ANP32E: variants seen among roughly 807,000 people sequenced by gnomAD.
ANP32E encodes the protein acidic leucine-rich nuclear phosphoprotein 32 family member E.
Under a neutral mutation model 35.3 loss-of-function variants are expected in ANP32E, and 14 were observed. That is an observed-to-expected ratio of 0.40 (90% CI 0.26 to 0.62). ANP32E has a LOEUF of 0.62. Ranked by LOEUF, ANP32E falls within the 20% of genes least tolerant of loss-of-function variation. The probability of loss-of-function intolerance (pLI) is 0.45; values close to 1 mark genes in which losing one functional copy is unlikely to be tolerated. For missense variants in ANP32E, 198 were observed against 304.4 expected (o/e 0.65, Z 2.60); for synonymous variants, 89 against 110.4 (o/e 0.81, Z 1.22).
Position 150,234,549 on chromosome 1 carries a change from G to C in ANP32E, c.54+1184C>G, listed in dbSNP as rs1391094485. ...CCCCAGTTATATCCTTCTATCGATCGGTCGATTCAGCTACAGACAACTCCC... is the reference window on the plus strand; with the variant it reads ...CCCCAGTTATATCCTTCTATCGATCCGTCGATTCAGCTACAGACAACTCCC... On this transcript the variant is annotated intron_variant, in intron 1 of 6. Transcript: ENST00000583931. 6 of 974,592 alleles carry C rather than the reference G, an allele frequency of 6.2e-6. No homozygotes were observed. In the South Asian group the frequency reaches 1.9e-4, roughly 31 times the overall value. The allele number at this position is 974,592 out of a possible 1,614,324, so 60.4% of individuals were successfully genotyped here.
chr1:150,226,816 A>T (rs1227900632), intron 4 of ANP32E, 21 bp from the exon 5 acceptor site: 3 of 1,592,566 alleles, frequency 1.9e-6, no homozygotes, highest in Non-Finnish European at 2.6e-6. Flanking sequence ...TCATTTAAAG[A>T]TGAGTAAATG....
chr1:150,229,697 C>T (rs1028734073), intron 3 of ANP32E, among the ~76,000 whole-genome samples: 1 of 152,208 alleles, frequency 6.6e-6, no homozygotes, highest in Non-Finnish European at 1.5e-5. Context: ...AGGCTGGTCT[C>T]GAACTCCTGA....
rs781789869 is a variant in ANP32E at position 150,230,576 on chromosome 1, C to T, written c.322G>A (p.Ala108Thr). ...GACAAAACTGTTCCACTTACCAGAG[C>T]TTCTACTGTACTGAGATCTTTTATT... is the stretch of plus-strand genomic sequence containing the variant. ...NKIKDLSTVEALQNLKNLKSL... is the reference protein window; with the variant it reads ...NKIKDLSTVETLQNLKNLKSL... The change falls in exon 3 of 7, where the codon GCT becomes ACT. Residue 108 changes from alanine (A) to threonine (T), a missense_variant. Coordinates refer to ENST00000583931, the MANE Select transcript of ANP32E (RefSeq NM_030920.5). The T allele has an allele frequency of 6.2e-7, 1 of 1,605,848 alleles. No individual in the cohort carries two copies. Among genetic ancestry groups the T allele is most frequent in the South Asian group, 1.1e-5 (1 of 89,110 alleles).
rs1553840131 is a variant in ANP32E at position 150,226,676 on chromosome 1, C to G, written c.613G>C (p.Ala205Pro). 1 of 1,592,592 alleles carries G rather than the reference C, an allele frequency of 6.3e-7. No individual in the cohort carries two copies. The highest frequency in any genetic ancestry group is 8.6e-7 in the Non-Finnish European group (1 of 1,164,374). ...DEDEDEDEDE[A>P]GSELGEGEEE... ...TCTCCCTCTCCCAACTCTGAACCTG[C>G]TTCATCTTCATCTTCATCCTCATCC... The change falls in exon 5 of 7, where the codon GCA becomes CCA. Residue 205 changes from alanine (A) to proline (P), a missense_variant. Coordinates refer to ENST00000583931, the MANE Select transcript of ANP32E (RefSeq NM_030920.5).
chr1:150,230,795 G>A, intron 2 of ANP32E, 102 bp from the exon 3 acceptor site: 5 of 1,112,984 alleles, frequency 4.5e-6, no homozygotes, highest in South Asian at 3.1e-5. Context: ...AGGCTGGAGT[G>A]CAGTGGTGCG....
chr1:150,230,750 T>TTTC (rs1424927414), intron 2 of ANP32E, 57 bp from the exon 3 acceptor site: 36 of 1,537,750 alleles, frequency 2.3e-5, no homozygotes, highest in Non-Finnish European at 2.6e-5. Flanking sequence ...ATCAAACTTT[T>TTTC]TTTTTTTTTG....
intron 6 of ANP32E, among the ~76,000 whole-genome samples, chr1:150,221,631 T>G (rs1648418395): frequency 6.7e-5 from 3 of 44,556 alleles, no homozygotes; most frequent in Non-Finnish European, 9.0e-5. Flanking sequence ...GGAAGGAAAT[T>G]ATACTTCAAG....
rs781961799 is a variant in ANP32E, at chr1:150,220,661, A to G, written c.*30T>C. 2 of 1,603,774 alleles carry G rather than the reference A, an allele frequency of 1.2e-6. No homozygotes were observed. Among genetic ancestry groups the G allele is most frequent in the Non-Finnish European group, 8.5e-7 (1 of 1,170,868 alleles). ...TGTGATCACTCTATTGCACACCCAG[A>G]AACATTAGAGAATCTGGTCTTAGAA... is the stretch of plus-strand genomic sequence containing the variant. On this transcript the variant is annotated 3_prime_UTR_variant, in exon 7 of 7. Coordinates refer to ENST00000583931, the MANE Select transcript of ANP32E (RefSeq NM_030920.5).
At chr1:150,233,971 C>G (rs781689491) in intron 1 of ANP32E, among the ~76,000 whole-genome samples, 7 of 152,052 alleles carry the variant, frequency 4.6e-5, no homozygotes, top group Non-Finnish European at 1.0e-4. Context: ...AATCATTTCA[C>G]TGCCCTGAGA....
chr1:150,231,081 A>G (rs1336846699), intron 2 of ANP32E, among the ~76,000 whole-genome samples: 1 of 152,184 alleles, frequency 6.6e-6, no homozygotes, highest in Admixed American at 6.6e-5. Context: ...TGAAGAAAAA[A>G]AACTGTCATT....
chr1:150,225,574 G>A (rs1326360774), intron 5 of ANP32E, among the ~76,000 whole-genome samples: 1 of 148,228 alleles, frequency 6.7e-6, no homozygotes, highest in Non-Finnish European at 1.5e-5. Context: ...GGGAGGCTGA[G>A]GTGAGAGGAT....
intron 6 of ANP32E, 43 bp downstream of exon 6, chr1:150,223,141 CTA>C (rs1553838606): frequency 1.0e-5 from 15 of 1,467,444 alleles, no homozygotes; most frequent in African/African-American, 5.7e-5. Flanking sequence ...TAAAAAATGA[CTA>C]TGTCTTTAAT....
At chr1:150,227,738 T>TA (rs1553840496) in intron 4 of ANP32E, among the ~76,000 whole-genome samples, 2 of 149,818 alleles carry the variant, frequency 1.3e-5, no homozygotes. Context: ...TAATCTAAAA[T>TA]AAAAAATAAA....
intron 3 of ANP32E, among the ~76,000 whole-genome samples, chr1:150,229,709 C>T (rs1332824297): frequency 2.6e-5 from 4 of 152,230 alleles, no homozygotes; most frequent in African/African-American, 7.2e-5. Context: ...AACTCCTGAC[C>T]TCAGGTGATC....
In ANP32E at chr1:150,235,515, C is replaced by T. The variant is rs959347733; in HGVS notation, c.54+218G>A. ...AGCCGAAAGGAGCTAAGCCCCCATGCACACACAAAAACGCCCCTAGAAACT... is the reference window on the plus strand; with the variant it reads ...AGCCGAAAGGAGCTAAGCCCCCATGTACACACAAAAACGCCCCTAGAAACT... On this transcript the variant is annotated intron_variant, in intron 1 of 6. Transcript: ENST00000583931. This position sits in a 1 kb window ranked among gnomAD's most constrained non-coding sequence, Gnocchi z 4.2. Among the ~76,000 whole-genome samples the T allele has an allele frequency of 6.6e-6, 1 of 152,222 alleles. No individual in the cohort carries two copies. Among genetic ancestry groups the T allele is most frequent in the Non-Finnish European group, 1.5e-5 (1 of 68,020 alleles).
rs1258226277 is a variant in ANP32E, at chr1:150,219,924, G to A, written c.*767C>T. On this transcript the variant is annotated 3_prime_UTR_variant, in exon 7 of 7. Transcript: ENST00000583931. ...AAGGGAAGGTGATCATAAAGGAATT[G>A]CTAAGAAGAAAAAGAATGCACACCT... 1 of 152,084 alleles carries A rather than the reference G, an allele frequency of 6.6e-6. No individual in the cohort carries two copies. The highest frequency in any genetic ancestry group is 1.5e-5 in the Non-Finnish European group (1 of 68,000). 9.4% of individuals were successfully genotyped at this position (152,084 alleles called of 1,614,324 possible). A position where few individuals can be genotyped will look rare whatever the true frequency, so the allele number is the denominator to read the frequency against.
At chr1:150,224,003 C>T (rs1481775707) in intron 5 of ANP32E, among the ~76,000 whole-genome samples, 1 of 152,058 alleles carries the variant, frequency 6.6e-6, no homozygotes, top group Non-Finnish European at 1.5e-5. Context: ...CCTCAGCCTC[C>T]CAAAATGGTG....
At position 150,220,758 on chromosome 1, in the gene ANP32E, T is replaced by C; in HGVS notation, c.740A>G (p.Glu247Gly). The change falls in exon 7 of 7, where the codon GAA becomes GGA. Residue 247 changes from glutamate to glycine, a missense_variant. Physicochemically the swap from Glu to Gly is moderately conservative, Grantham distance 98. Transcript: ENST00000583931. ...CCTCTTCTCCCCTCGAAGACCTCCT[T>C]CTTCTTAAAGAGTGGAAAGAAAAAT... ...EEGEEEEEEEEGGLRGEKRKR... is the reference protein window; with the variant it reads ...EEGEEEEEEEGGGLRGEKRKR... The C allele has an allele frequency of 1.2e-6, 2 of 1,613,476 alleles. No individual in the cohort carries two copies.
rs782144349 is a variant in ANP32E, at chr1:150,220,682, T to A, written c.*9A>T. The A allele has an allele frequency of 6.2e-7, 1 of 1,613,622 alleles. No homozygotes were observed. Among genetic ancestry groups the A allele is most frequent in the Non-Finnish European group, 8.5e-7 (1 of 1,179,612 alleles). Reference sequence around the variant, plus strand: ...CCAGAAACATTAGAGAATCTGGTCTTAGAATGATCTAGTCATCTTCTTCCT... The same window carrying A: ...CCAGAAACATTAGAGAATCTGGTCTAAGAATGATCTAGTCATCTTCTTCCT... On this transcript the variant is annotated 3_prime_UTR_variant, in exon 7 of 7. Coordinates refer to ENST00000583931, the MANE Select transcript of ANP32E (RefSeq NM_030920.5).
Sources: allele counts gnomAD v4.1 joint callset (sites outside exome capture counted in the v4.1 genomes callset), GRCh38; gene constraint gnomAD v4.1.1; non-coding constraint Gnocchi (gnomAD v3.1); transcripts MANE v1.5; gene names NCBI Gene and HGNC (gene_info 2026-07-23, HGNC 2026-07-21).